Variants in SPIN1 observed in about 807,000 individuals in gnomAD.
The protein encoded by SPIN1 is spindlin 1.
SPIN1 carries 3 observed loss-of-function variants against 26.0 expected under a neutral mutation model. That is an observed-to-expected ratio of 0.12 (90% CI 0.05 to 0.30). SPIN1 has a LOEUF of 0.30. SPIN1 is among the 10% of genes least tolerant of loss of function. The probability of loss-of-function intolerance (pLI) is 1.00; values close to 1 mark genes in which losing one functional copy is unlikely to be tolerated. For missense variants in SPIN1, 126 were observed against 333.4 expected (o/e 0.38, Z 4.84); for synonymous variants, 101 against 116.5 (o/e 0.87, Z 0.86).
chr9:88,460,148 ACT>A (rs1587812581), intron 3 of SPIN1, among the ~76,000 whole-genome samples: 1 of 151,946 alleles, frequency 6.6e-6, no homozygotes, highest in African/African-American at 2.4e-5. Flanking sequence ...GATTTTTAGT[ACT>A]CTCTTCTGTG....
At chr9:88,401,109 A>G (rs73498094) in intron 1 of SPIN1, among the ~76,000 whole-genome samples, 10,525 of 152,214 alleles carry the variant, frequency 0.069, 1,145 homozygotes, top group African/African-American at 0.23. Flanking sequence ...TTTTTGGAGG[A>G]TGGCTGCACT....
rs182442177 is a variant in SPIN1 at position 88,443,594 on chromosome 9, A to C, written c.53-5347A>C. Among the ~76,000 whole-genome samples, 137 of 152,264 alleles carry C rather than the reference A, an allele frequency of 9.0e-4. 1 individual carries two copies. The highest frequency in any genetic ancestry group is 1.6e-4 in the Non-Finnish European group (11 of 68,030). On this transcript the variant is annotated intron_variant, in intron 2 of 5. Transcript: ENST00000375859. ...GTTCTGATGCTTGTTTTCTCTGTTA[A>C]TACTGCTTTTTGCATTTCAAAGCCT... is the stretch of plus-strand genomic sequence containing the variant.
intron 2 of SPIN1, among the ~76,000 whole-genome samples, chr9:88,436,764 T>C (rs960055068): frequency 1.2e-4 from 9 of 76,234 alleles, no homozygotes; most frequent in Non-Finnish European, 1.7e-4. Context: ...CTTTTTTTTT[T>C]TTTTTTTTTT....
intron 3 of SPIN1, chr9:88,458,024 T>C: frequency 1.0e-6 from 1 of 971,310 alleles, no homozygotes; most frequent in Non-Finnish European, 1.2e-6. Flanking sequence ...AGTGTTGCTT[T>C]GGCTGGGGGA....
intron 1 of SPIN1, among the ~76,000 whole-genome samples, chr9:88,412,232 A>G (rs536410185): frequency 6.6e-6 from 1 of 152,240 alleles, no homozygotes; most frequent in Admixed American, 6.5e-5. Flanking sequence ...AGTCGTTGAT[A>G]GAGCTTCCTT....
chr9:88,414,257 C>T (rs1225924357), intron 1 of SPIN1, among the ~76,000 whole-genome samples: 8 of 152,180 alleles, frequency 5.3e-5, no homozygotes, highest in Non-Finnish European at 8.8e-5. Context: ...TTGCTCCCCT[C>T]TCTGAACTTT....
chr9:88,434,785 G>A (rs1049170178), intron 2 of SPIN1, among the ~76,000 whole-genome samples: 21 of 152,020 alleles, frequency 1.4e-4, no homozygotes, highest in African/African-American at 5.1e-4. Context: ...AGCTGCGCGC[G>A]GTTGCTCATG....
intron 1 of SPIN1, among the ~76,000 whole-genome samples, chr9:88,388,858 C>G (rs1826849901): frequency 6.6e-6 from 1 of 150,842 alleles, no homozygotes; most frequent in African/African-American, 2.4e-5. Context: ...GCCGCCGGCC[C>G]CTTAGCGCGC....
intron 1 of SPIN1, among the ~76,000 whole-genome samples, chr9:88,393,901 G>A (rs761755495): frequency 5.9e-5 from 9 of 152,116 alleles, no homozygotes; most frequent in Non-Finnish European, 1.3e-4. Flanking sequence ...AGGCTGGAGT[G>A]CAGTGGTGTG....
intron 1 of SPIN1, among the ~76,000 whole-genome samples, chr9:88,396,439 T>TA (rs1309572974): frequency 2.0e-5 from 3 of 151,468 alleles, no homozygotes; most frequent in Non-Finnish European, 4.4e-5. Context: ...CCGTCTCTAC[T>TA]AAAAATACAA....
intron 2 of SPIN1, among the ~76,000 whole-genome samples, chr9:88,427,585 T>C (rs1162976572): frequency 1.3e-5 from 2 of 149,392 alleles, no homozygotes; most frequent in Non-Finnish European, 3.0e-5. Context: ...AAAACGGGAC[T>C]TTTTTTTTCT....
At chr9:88,465,234 A>C (rs79932077) in intron 4 of SPIN1, among the ~76,000 whole-genome samples, 2,945 of 152,358 alleles carry the variant, frequency 0.019, 73 homozygotes, top group African/African-American at 0.063. Context: ...TCCTGTAAAC[A>C]TGGATATGCA....
chr9:88,404,842 G>A (rs1461511298), intron 1 of SPIN1, among the ~76,000 whole-genome samples: 1 of 151,538 alleles, frequency 6.6e-6, no homozygotes, highest in African/African-American at 2.4e-5. Context: ...CTTGAACCCA[G>A]GAGGCAGAGG....
At chr9:88,445,481 T>G (rs1828228963) in intron 2 of SPIN1, among the ~76,000 whole-genome samples, 1 of 150,710 alleles carries the variant, frequency 6.6e-6, no homozygotes, top group Non-Finnish European at 1.5e-5. Flanking sequence ...CAGTAAGCTT[T>G]TGTTTGATTT....
At chr9:88,403,719 G>A (rs181955308) in intron 1 of SPIN1, among the ~76,000 whole-genome samples, 6 of 151,726 alleles carry the variant, frequency 4.0e-5, no homozygotes, top group Admixed American at 1.3e-4. Context: ...TCTTCAAAGC[G>A]GGGGAAAAAA....
intron 3 of SPIN1, chr9:88,457,790 G>A: frequency 3.2e-6 from 3 of 949,188 alleles, no homozygotes; most frequent in South Asian, 4.9e-5. Flanking sequence ...ATTACCAGAG[G>A]ATGTATCTAG....
intron 2 of SPIN1, among the ~76,000 whole-genome samples, chr9:88,427,700 G>A (rs968877746): frequency 6.6e-6 from 1 of 151,626 alleles, no homozygotes; most frequent in African/African-American, 2.4e-5. Context: ...GGGTTCAAGC[G>A]GTTCTCCTGC....
chr9:88,432,016 TGACA>T (rs1385026999), intron 2 of SPIN1, among the ~76,000 whole-genome samples: 2 of 152,164 alleles, frequency 1.3e-5, no homozygotes, highest in East Asian at 3.8e-4. Flanking sequence ...CCTGCCTGGG[TGACA>T]GACTGTCCAG....
chr9:88,456,641 C>T (rs1018902806), intron 3 of SPIN1, among the ~76,000 whole-genome samples: 9 of 152,194 alleles, frequency 5.9e-5, no homozygotes, highest in African/African-American at 1.7e-4. Context: ...GCACTTACTG[C>T]TCAGAGGCCA....
Sources: gnomAD v4.1 joint callset for allele counts (sites outside exome capture counted in the v4.1 genomes callset) on GRCh38, gnomAD v4.1.1 for gene constraint, MANE v1.5 for transcripts, NCBI Gene and HGNC (gene_info 2026-07-23, HGNC 2026-07-21) for gene names.